SORT1: variants seen among roughly 807,000 people sequenced by gnomAD.
SORT1 encodes sortilin 1.
SORT1 carries 39 observed loss-of-function variants against 101.7 expected under a neutral mutation model. That is an observed-to-expected ratio of 0.38 (90% CI 0.30 to 0.50). SORT1 has a LOEUF of 0.50. Ranked by LOEUF, SORT1 falls within the 20% of genes least tolerant of loss-of-function variation. The pLI, the probability that SORT1 is intolerant of heterozygous loss-of-function variation, is 0.90. For missense variants in SORT1, 878 were observed against 1,040.4 expected (o/e 0.84, Z 2.15); for synonymous variants, 396 against 393.7 (o/e 1.01, Z -0.07).
Position 109,358,502 on chromosome 1 carries a change from T to C in SORT1, c.441-3033A>G, listed in dbSNP as rs1414325496. 2.0e-5 allele frequency among the ~76,000 whole-genome samples: 3 copies of C among 152,188 alleles called. No homozygotes were observed. In the East Asian group the frequency reaches 5.8e-4, roughly 29 times the overall value. On this transcript the variant is annotated intron_variant, in intron 3 of 19. Transcript: ENST00000256637. ...TTCCATATGATAATTAATAGCGTTA[T>C]GAACAGCCGTCGAATGATAAGTAAA...
At position 109,323,093 on chromosome 1, in the gene SORT1, C is replaced by A; in HGVS notation, c.1863G>T (p.Leu621=). The change falls in exon 15 of 20, where the codon CTG becomes CTT. Residue 621 remains leucine, a synonymous_variant. Coordinates refer to ENST00000256637, the MANE Select transcript of SORT1 (RefSeq NM_002959.7). ...AATCTTCAGGGTCTGTGGAGTGTGCCAGCCATATGGTATAGTCCTTCTCTT... is the reference window on the plus strand; with the variant it reads ...AATCTTCAGGGTCTGTGGAGTGTGCAAGCCATATGGTATAGTCCTTCTCTT... ...NCEEKDYTIW[L]AHSTDPEDYE... 6.2e-7 allele frequency: 1 copy of A among 1,614,076 alleles called. No individual in the cohort carries two copies. The highest frequency in any genetic ancestry group is 8.5e-7 in the Non-Finnish European group (1 of 1,179,956).
At chr1:109,344,852 A>T (rs1308641248) in intron 8 of SORT1, among the ~76,000 whole-genome samples, 1 of 152,014 alleles carries the variant, frequency 6.6e-6, no homozygotes, top group East Asian at 1.9e-4. Flanking sequence ...ACATGCCACC[A>T]TGCCTGGCTA....
At chr1:109,377,447 C>T (rs549541644) in intron 1 of SORT1, among the ~76,000 whole-genome samples, 3 of 152,302 alleles carry the variant, frequency 2.0e-5, no homozygotes, top group African/African-American at 4.8e-5. Context: ...CCTTCTAACA[C>T]GGTTACTGCT....
At chr1:109,366,213 T>C (rs1249152732) in intron 3 of SORT1, among the ~76,000 whole-genome samples, 2 of 152,158 alleles carry the variant, frequency 1.3e-5, no homozygotes, top group African/African-American at 4.8e-5. Flanking sequence ...ACTCTAAAAC[T>C]TCACCAATGT....
At chr1:109,332,806 A>C (rs1027258996) in intron 11 of SORT1, among the ~76,000 whole-genome samples, 4 of 152,244 alleles carry the variant, frequency 2.6e-5, no homozygotes, top group Admixed American at 6.5e-5. Context: ...AAATAAATCT[A>C]TGCATTTATT....
intron 11 of SORT1, 76 bp from the exon 12 acceptor site, chr1:109,327,677 T>C (rs1648176494): frequency 1.0e-6 from 1 of 965,114 alleles, no homozygotes; most frequent in African/African-American, 1.7e-5. Flanking sequence ...ACAAAACCCT[T>C]CCAATAAAGC....
In SORT1 at chr1:109,313,938, TG is replaced by T; in HGVS notation, c.*104del. 2 of 1,029,346 alleles carry T rather than the reference TG, an allele frequency of 1.9e-6. No homozygotes were observed. Among genetic ancestry groups the T allele is most frequent in the African/African-American group, 1.6e-5 (1 of 61,618 alleles). 63.8% of individuals were successfully genotyped at this position (1,029,346 alleles called of 1,614,324 possible). A position where few individuals can be genotyped will look rare whatever the true frequency, so the allele number is the denominator to read the frequency against. On this transcript the variant is annotated 3_prime_UTR_variant, in exon 20 of 20. Transcript: ENST00000256637. Reference sequence around the variant, plus strand: ...TTGATGGAAGCAGCAGAAACAGAGCTGGGTCCCTCGCAATGGGAAATTTATT... The same window carrying T: ...TTGATGGAAGCAGCAGAAACAGAGCTGGTCCCTCGCAATGGGAAATTTATT...
Position 109,397,879 on chromosome 1 carries a change from C to G in SORT1, c.14G>C (p.Trp5Ser), listed in dbSNP as rs1156700282. The G allele has an allele frequency of 2.5e-6, 3 of 1,191,248 alleles. No individual in the cohort carries two copies. The highest frequency in any genetic ancestry group is 3.1e-6 in the Non-Finnish European group (3 of 960,714). The allele number at this position is 1,191,248 out of a possible 1,614,324, so 73.8% of individuals were successfully genotyped here. ...GCGCGAGAGGCCGTCCGCAGCTCCCCAGGGCCGCTCCATCGCCGCCGAATG... is the reference window on the plus strand; with the variant it reads ...GCGCGAGAGGCCGTCCGCAGCTCCCGAGGGCCGCTCCATCGCCGCCGAATG... MERP[W>S]GAADGLSRWP... Residue 5 changes from tryptophan to serine, a missense_variant, in exon 1 of 20, where the codon TGG (tryptophan) becomes TCG (serine). Around this residue, in one of 2 missense-constraint regions of SORT1, gnomAD observed 194 missense variants for 145.9 expected, o/e 1.33. Transcript: ENST00000256637.
Position 109,321,231 on chromosome 1 carries a change from G to A in SORT1, c.2024+1701C>T, listed in dbSNP as rs139857821. 8.7e-4 allele frequency among the ~76,000 whole-genome samples: 133 copies of A among 152,244 alleles called. 2 individuals are homozygous for A. Among genetic ancestry groups the A allele is most frequent in the African/African-American group, 3.0e-3 (125 of 41,542 alleles). On this transcript the variant is annotated intron_variant, in intron 15 of 19. Transcript: ENST00000256637. ...AAATAGTAATTAAAATTTAGTAAGT[G>A]CTGTAATAGGGGAACTCTGGGGGTC... is the stretch of plus-strand genomic sequence containing the variant.
At chr1:109,376,346 A>T (rs1313860052) in intron 1 of SORT1, among the ~76,000 whole-genome samples, 2 of 151,532 alleles carry the variant, frequency 1.3e-5, no homozygotes, top group African/African-American at 4.8e-5. Context: ...AAAAAAAAAA[A>T]AAAGGAACTT....
chr1:109,386,273 T>C (rs1652562873), intron 1 of SORT1, among the ~76,000 whole-genome samples: 1 of 152,208 alleles, frequency 6.6e-6, no homozygotes, highest in South Asian at 2.1e-4. Flanking sequence ...TAGTACAAGC[T>C]GGGCCCTACC....
chr1:109,353,739 A>C (rs1314648642), intron 5 of SORT1, among the ~76,000 whole-genome samples: 1 of 152,212 alleles, frequency 6.6e-6, no homozygotes, highest in Admixed American at 6.5e-5. Flanking sequence ...TGATTATTAT[A>C]GTCTAGCAAC....
chr1:109,355,237 A>G, intron 4 of SORT1, 130 bp downstream of exon 4: 1 of 634,734 alleles, frequency 1.6e-6, no homozygotes, highest in East Asian at 2.9e-5. Context: ...GTTTAATTTT[A>G]AAATATAAAT....
intron 10 of SORT1, 61 bp from the exon 11 acceptor site, chr1:109,336,407 T>C: frequency 2.9e-6 from 3 of 1,051,042 alleles, no homozygotes; most frequent in Non-Finnish European, 4.5e-6. Flanking sequence ...TTAGATTCAC[T>C]TTATCACTGC....
intron 1 of SORT1, among the ~76,000 whole-genome samples, chr1:109,371,717 CA>C (rs1557817293): frequency 6.6e-6 from 1 of 152,136 alleles, no homozygotes; most frequent in East Asian, 1.9e-4. Flanking sequence ...TTCACTGAAA[CA>C]ACTGAAATGG....
At chr1:109,359,984 C>A (rs573516350) in intron 3 of SORT1, among the ~76,000 whole-genome samples, 131 of 152,202 alleles carry the variant, frequency 8.6e-4, no homozygotes, top group Non-Finnish European at 1.7e-3. Flanking sequence ...GTGGGACAGG[C>A]ACAGTATAGA....
At chr1:109,326,930 G>GT in intron 13 of SORT1, 62 bp downstream of exon 13, 1 of 1,291,270 alleles carries the variant, frequency 7.7e-7, no homozygotes, top group Non-Finnish European at 1.1e-6. Flanking sequence ...CCAATAAACT[G>GT]AAGAACATTC....
chr1:109,345,928 CT>C (rs768321338), intron 7 of SORT1, 47 bp from the exon 8 acceptor site: 5 of 1,535,594 alleles, frequency 3.3e-6, no homozygotes, highest in Non-Finnish European at 4.5e-6. Flanking sequence ...ACTGGTGAGC[CT>C]AGTTCAAAGC....
At chr1:109,378,319 T>C (rs1301457200) in intron 1 of SORT1, among the ~76,000 whole-genome samples, 3 of 151,600 alleles carry the variant, frequency 2.0e-5, no homozygotes, top group Non-Finnish European at 4.4e-5. Flanking sequence ...ATAAAAATAG[T>C]GAAAAGGAAA....
Sources: gnomAD v4.1 joint callset for allele counts (sites outside exome capture counted in the v4.1 genomes callset) on GRCh38, gnomAD v4.1.1 for gene constraint, gnomAD v4.1.1 regional missense constraint, MANE v1.5 for transcripts, NCBI Gene and HGNC (gene_info 2026-07-23, HGNC 2026-07-21) for gene names.